The following ATXN7L1 variants were observed in gnomAD, a reference collection of about 807,000 sequenced individuals.
ATXN7L1 encodes ataxin 7 like 1.
Under a neutral mutation model 70.8 loss-of-function variants are expected in ATXN7L1, and 15 were observed. The observed-to-expected ratio is 0.21, with a 90% confidence interval of 0.14 to 0.33. The LOEUF (loss-of-function observed/expected upper bound fraction) is 0.33, where lower values mean the gene tolerates loss of function less well. Among genes scored for constraint, ATXN7L1 ranks in the 10% least tolerant of loss-of-function variants. The pLI, the probability that ATXN7L1 is intolerant of heterozygous loss-of-function variation, is 1.00. For missense variants in ATXN7L1, 975 were observed against 1,097.1 expected (o/e 0.89, Z 1.57); for synonymous variants, 440 against 445.1 (o/e 0.99, Z 0.14).
At chr7:105,727,711 G>T in intron 3 of ATXN7L1, among the ~76,000 whole-genome samples, 2 of 108,880 alleles carry the variant, frequency 1.8e-5, no homozygotes, top group African/African-American at 3.6e-5. Context: ...AGGAATACTA[G>T]ATATTTTTCC....
At chr7:105,778,650 A>C (rs763500257) in intron 3 of ATXN7L1, among the ~76,000 whole-genome samples, 32 of 152,242 alleles carry the variant, frequency 2.1e-4, no homozygotes, top group Non-Finnish European at 3.8e-4. Context: ...GATTCACAGA[A>C]ACATGAAAAA....
Position 105,788,570 on chromosome 7 carries a change from G to A in ATXN7L1, c.355+34C>T, listed in dbSNP as rs747620128. 8.5e-6 allele frequency: 13 copies of A among 1,530,472 alleles called. No homozygotes were observed. In the Admixed American group the frequency reaches 1.8e-4, roughly 22 times the overall value. The allele number at this position is 1,530,472 out of a possible 1,614,324, so 94.8% of individuals were successfully genotyped here. A position where few individuals can be genotyped will look rare whatever the true frequency, so the allele number is the denominator to read the frequency against. The stretch of plus-strand genomic sequence containing the variant: ...GGCGACTGTCCCCAGGGCGGCAGCT[G>A]CAGATGTGGCCGACGGTGCAGGGGT... On this transcript the variant is annotated intron_variant, in intron 3 of 11. Transcript: ENST00000419735.
At chr7:105,651,187 A>T (rs1799778183) in intron 4 of ATXN7L1, among the ~76,000 whole-genome samples, 2 of 152,208 alleles carry the variant, frequency 1.3e-5, no homozygotes, top group Admixed American at 6.5e-5. Context: ...TGCAAAGCCC[A>T]CACAAACATA....
intron 2 of ATXN7L1, among the ~76,000 whole-genome samples, chr7:105,841,308 T>C (rs1181363620): frequency 6.6e-6 from 1 of 152,242 alleles, no homozygotes; most frequent in African/African-American, 2.4e-5. Context: ...ACAAGTACTC[T>C]GTTTCCTTGT....
At chr7:105,866,584 C>G (rs1362438920) in intron 2 of ATXN7L1, among the ~76,000 whole-genome samples, 1 of 152,182 alleles carries the variant, frequency 6.6e-6, no homozygotes, top group African/African-American at 2.4e-5. Flanking sequence ...AGTTCAAGCG[C>G]CTCAGGGTCC....
intron 3 of ATXN7L1, among the ~76,000 whole-genome samples, chr7:105,673,671 C>A (rs1287268890): frequency 2.6e-5 from 4 of 152,252 alleles, no homozygotes; most frequent in Non-Finnish European, 5.9e-5. Flanking sequence ...AGAGGCAGGG[C>A]TGGCACCTTG....
At chr7:105,745,852 C>T (rs1182522063) in intron 3 of ATXN7L1, among the ~76,000 whole-genome samples, 1 of 152,194 alleles carries the variant, frequency 6.6e-6, no homozygotes, top group East Asian at 1.9e-4. Context: ...TGTGAATGGG[C>T]CTCAAATTTG....
In ATXN7L1 at chr7:105,614,621, C is replaced by T. The variant is rs369556114; in HGVS notation, c.1713G>A (p.Ser571=). ...GGGACATGAGGGCGCTCGGGTCCGG[C>T]GATGTCACGAAAGCTGCGTTTGAGA... The part of the protein sequence containing the change: ...AMLSNAAFVT[S]PDPSALMSHT... Residue 571 remains serine, a synonymous_variant, in exon 10 of 12, where the codon TCG becomes TCA. Transcript: ENST00000419735. The surrounding 1 kb of genome is among the most constrained non-coding windows in gnomAD (Gnocchi z 4.3). The T allele has an allele frequency of 9.7e-6, 15 of 1,551,418 alleles. No individual in the cohort carries two copies. Among genetic ancestry groups the T allele is most frequent in the African/African-American group, 4.1e-5 (3 of 72,906 alleles).
At chr7:105,716,610 G>T (rs887918505) in intron 3 of ATXN7L1, among the ~76,000 whole-genome samples, 8 of 145,418 alleles carry the variant, frequency 5.5e-5, no homozygotes, top group African/African-American at 2.1e-4. Flanking sequence ...TGGGCAGATG[G>T]CTTGAGTCCA....
chr7:105,872,127 G>T (rs1818361620), intron 2 of ATXN7L1, among the ~76,000 whole-genome samples: 1 of 152,048 alleles, frequency 6.6e-6, no homozygotes, highest in African/African-American at 2.4e-5. Context: ...CAAGTAGCTG[G>T]GACTACAGGT....
At chr7:105,701,509 C>T (rs1216230257) in intron 3 of ATXN7L1, among the ~76,000 whole-genome samples, 2 of 152,070 alleles carry the variant, frequency 1.3e-5, no homozygotes, top group Non-Finnish European at 2.9e-5. Flanking sequence ...TTTTGCAGTG[C>T]ATTCCTTTTA....
Position 105,620,263 on chromosome 7 carries a change from C to G in ATXN7L1, c.1454G>C (p.Trp485Ser). 6.4e-7 allele frequency: 1 copy of G among 1,551,430 alleles called. No individual in the cohort carries two copies. The highest frequency in any genetic ancestry group is 8.7e-7 in the Non-Finnish European group (1 of 1,146,796). Residue 485 changes from tryptophan to serine, a missense_variant, in exon 9 of 12, where the codon TGG becomes TCG. Physicochemically the swap from Trp to Ser is radical, Grantham distance 177. This residue lies in a region of ATXN7L1 where 635 missense variants were observed against 699.4 expected (regional missense o/e 0.91). Coordinates refer to ENST00000419735, the MANE Select transcript of ATXN7L1 (RefSeq NM_020725.2). ...GTTTAGTGCGAATCGAAAACGATCC[C>G]ATCTTCTATCAAACACATAGTACCC... is the stretch of plus-strand genomic sequence containing the variant. ...GRGYYVFDRRWDRFRFALNSM... is the reference protein window; with the variant it reads ...GRGYYVFDRRSDRFRFALNSM...
chr7:105,635,516 G>C (rs1797228457), intron 7 of ATXN7L1, among the ~76,000 whole-genome samples: 1 of 152,190 alleles, frequency 6.6e-6, no homozygotes, highest in African/African-American at 2.4e-5. Flanking sequence ...ACTCTGATTA[G>C]CTCTGTTGTA....
In ATXN7L1 at chr7:105,614,982, C is replaced by T. The variant is rs1050426811; in HGVS notation, c.1518-166G>A. On this transcript the variant is annotated intron_variant, in intron 9 of 11. Transcript: ENST00000419735. The surrounding 1 kb of genome is among the most constrained non-coding windows in gnomAD (Gnocchi z 4.3). ...GGGAGAATCTGAAGCATGGCCCCTC[C>T]TTATGGCACCCCCCATTGCAACATC... Among the ~76,000 whole-genome samples, 2 of 152,060 alleles carry T rather than the reference C, an allele frequency of 1.3e-5. No individual in the cohort carries two copies. Among genetic ancestry groups the T allele is most frequent in the East Asian group, 3.9e-4 (2 of 5,182 alleles).
intron 3 of ATXN7L1, among the ~76,000 whole-genome samples, chr7:105,779,728 G>C (rs1476286787): frequency 6.6e-6 from 1 of 152,164 alleles, no homozygotes; most frequent in Non-Finnish European, 1.5e-5. Context: ...TTCTGGATTT[G>C]GGAAAGACTG....
chr7:105,639,391 G>A, intron 6 of ATXN7L1, 96 bp downstream of exon 6: 4 of 943,784 alleles, frequency 4.2e-6, no homozygotes, highest in Admixed American at 4.4e-5. Context: ...GTCATGTCGA[G>A]GTTCCACACC....
intron 3 of ATXN7L1, among the ~76,000 whole-genome samples, chr7:105,733,561 TCCATCCTTC>T (rs750475777): frequency 0.04 from 1,937 of 48,004 alleles, 116 homozygotes; most frequent in African/African-American, 0.06. Context: ...CATCCACCCA[TCCATCCTTC>T]CATCCATCCA....
chr7:105,741,559 G>T (rs975880653), intron 3 of ATXN7L1, among the ~76,000 whole-genome samples: 11 of 152,338 alleles, frequency 7.2e-5, no homozygotes, highest in African/African-American at 2.2e-4. Context: ...AGGTGAGTGG[G>T]ATGGGAAGAG....
At chr7:105,808,736 A>T (rs73193825) in intron 2 of ATXN7L1, among the ~76,000 whole-genome samples, 153 of 152,348 alleles carry the variant, frequency 1.0e-3, no homozygotes, top group Non-Finnish European at 1.9e-3. Flanking sequence ...TAAAAGACAC[A>T]ATTATTTTTG....
Sources: gnomAD v4.1 joint callset for allele counts (sites outside exome capture counted in the v4.1 genomes callset) on GRCh38, gnomAD v4.1.1 for gene constraint, gnomAD v4.1.1 regional missense constraint, Gnocchi (gnomAD v3.1) non-coding constraint, MANE v1.5 for transcripts, NCBI Gene and HGNC (gene_info 2026-07-23, HGNC 2026-07-21) for gene names.